TBC1D5: variants seen among roughly 807,000 people sequenced by gnomAD.
The protein encoded by TBC1D5 is TBC1 domain family member 5, also known as TBC1 domain family, member 5.
In TBC1D5, 75 loss-of-function variants were observed where a neutral mutation model predicts 100.3. The ratio of observed to expected loss-of-function variants is 0.75; its 90% CI spans 0.62 to 0.91. The LOEUF (loss-of-function observed/expected upper bound fraction) is 0.91, where lower values mean the gene tolerates loss of function less well. Among genes scored for constraint, TBC1D5 ranks in the 40% least tolerant of loss-of-function variants. The probability of loss-of-function intolerance (pLI) is 0.00; values close to 1 mark genes in which losing one functional copy is unlikely to be tolerated. For missense variants in TBC1D5, 910 were observed against 942.4 expected, an observed-to-expected ratio of 0.97 and a Z score of 0.45; for synonymous variants, 323 against 325.6, an observed-to-expected ratio of 0.99 and a Z score of 0.09.
intron 2 of TBC1D5, among the ~76,000 whole-genome samples, chr3:17,612,815 C>CG (rs1469817120): frequency 2.5e-4 from 36 of 143,800 alleles, no homozygotes; most frequent in African/African-American, 9.2e-4. Flanking sequence ...AAAATGAACA[C>CG]GAAAAAAAAA....
chr3:17,252,822 T>C (rs2077288842), intron 16 of TBC1D5, among the ~76,000 whole-genome samples: 1 of 152,204 alleles, frequency 6.6e-6, no homozygotes, highest in Admixed American at 6.5e-5. Flanking sequence ...CATCTATCTT[T>C]TTCACTGATG....
exon 22 of TBC1D5, chr3:17,159,854 G>C (rs2065887936): frequency 6.6e-6 from 1 of 152,200 alleles, no homozygotes; most frequent in Admixed American, 6.5e-5. Flanking sequence ...GCATCCTCTT[G>C]GCATGTGGAA....
At chr3:17,409,151 T>C (rs905754285) in intron 4 of TBC1D5, among the ~76,000 whole-genome samples, 6 of 152,322 alleles carry the variant, frequency 3.9e-5, no homozygotes, top group African/African-American at 1.4e-4. Flanking sequence ...GTGGCAACCT[T>C]GCATTGAGCA....
chr3:17,198,412 A>T (rs993892259), intron 18 of TBC1D5, among the ~76,000 whole-genome samples: 12 of 152,378 alleles, frequency 7.9e-5, no homozygotes, highest in African/African-American at 2.9e-4. Context: ...TGCCATATTT[A>T]GAAATAAAAA....
At position 17,475,964 on chromosome 3, in the gene TBC1D5, T is replaced by C. The variant is rs187509470; in HGVS notation, c.97+32510A>G. On this transcript the variant is annotated intron_variant, in intron 3 of 21. Transcript: ENST00000253692. ...AATCTAGAGGTTATCATATGTTATCTGACAGGGATTTTATTTAAATTCTTC... is the reference window on the plus strand; with the variant it reads ...AATCTAGAGGTTATCATATGTTATCCGACAGGGATTTTATTTAAATTCTTC... Among the ~76,000 whole-genome samples the C allele has an allele frequency of 3.0e-3, 463 of 152,238 alleles. 1 individual carries two copies. The highest frequency in any genetic ancestry group is 0.011 in the African/African-American group (451 of 41,586).
intron 15 of TBC1D5, among the ~76,000 whole-genome samples, chr3:17,289,413 G>A (rs532774269): frequency 1.1e-3 from 171 of 152,132 alleles, no homozygotes; most frequent in Middle Eastern, 0.01. Context: ...GAGATCCTGC[G>A]TCAATTCAAA....
At position 17,307,941 on chromosome 3, in the gene TBC1D5, T is replaced by C. The variant is rs752197281; in HGVS notation, c.1138+51A>G. On this transcript the variant is annotated intron_variant, in intron 14 of 21. Transcript: ENST00000253692. ...AGTCTATTTAAAAGGCAAAACATTT[T>C]TGAAAATCAGGAGTACCTAGTCAAA... 16 of 1,569,576 alleles carry C rather than the reference T, an allele frequency of 1.0e-5. No individual in the cohort carries two copies. The Admixed American group carries it at 3.1e-4, about 30-fold the overall frequency.
intron 17 of TBC1D5, among the ~76,000 whole-genome samples, chr3:17,226,431 T>A (rs527258954): frequency 6.6e-6 from 1 of 151,906 alleles, no homozygotes; most frequent in African/African-American, 2.4e-5. Flanking sequence ...CCCAATTCCC[T>A]CTTCAGGTCC....
intron 17 of TBC1D5, among the ~76,000 whole-genome samples, chr3:17,223,942 G>GA (rs572455475): frequency 6.6e-6 from 1 of 150,774 alleles, no homozygotes; most frequent in African/African-American, 2.4e-5. Context: ...AACAAACAAA[G>GA]AAAAAAAGAC....
chr3:17,556,352 T>C (rs2096520935), intron 2 of TBC1D5, among the ~76,000 whole-genome samples: 1 of 152,110 alleles, frequency 6.6e-6, no homozygotes, highest in Admixed American at 6.5e-5. Flanking sequence ...AAATAAGAAA[T>C]TTCTATTGGT....
chr3:17,680,795 A>G (rs1307351872), intron 1 of TBC1D5, among the ~76,000 whole-genome samples: 3 of 151,450 alleles, frequency 2.0e-5, no homozygotes, highest in Non-Finnish European at 2.9e-5. Flanking sequence ...GTAACAGCCT[A>G]AGAAATCCCT....
intron 1 of TBC1D5, among the ~76,000 whole-genome samples, chr3:17,669,747 C>T (rs2067709365): frequency 6.6e-6 from 1 of 152,178 alleles, no homozygotes; most frequent in Non-Finnish European, 1.5e-5. Context: ...AGGGGGCTGG[C>T]ACATATAACC....
intron 8 of TBC1D5, among the ~76,000 whole-genome samples, chr3:17,393,679 A>C (rs1360420610): frequency 6.6e-6 from 1 of 152,094 alleles, no homozygotes; most frequent in Non-Finnish European, 1.5e-5. Context: ...ACACATCTAC[A>C]ACCACCTGAT....
chr3:17,731,002 A>G (rs1385064630), intron 1 of TBC1D5, among the ~76,000 whole-genome samples: 1 of 152,118 alleles, frequency 6.6e-6, no homozygotes, highest in Non-Finnish European at 1.5e-5. Flanking sequence ...GCCAAACAGG[A>G]AGAGCACAAC....
intron 1 of TBC1D5, among the ~76,000 whole-genome samples, chr3:17,678,595 T>C (rs1225330549): frequency 1.4e-5 from 2 of 144,184 alleles, no homozygotes; most frequent in African/African-American, 5.3e-5. Context: ...AGGCAATGAC[T>C]CAACCTCACA....
intron 2 of TBC1D5, among the ~76,000 whole-genome samples, chr3:17,610,053 G>A (rs993229585): frequency 2.0e-5 from 3 of 152,054 alleles, no homozygotes; most frequent in East Asian, 3.8e-4. Flanking sequence ...CATTTTTATC[G>A]AGTAACATTA....
chr3:17,664,261 G>A (rs556379275), intron 1 of TBC1D5, among the ~76,000 whole-genome samples: 2 of 150,782 alleles, frequency 1.3e-5, no homozygotes, highest in Admixed American at 6.6e-5. Flanking sequence ...TAATAGAGAC[G>A]GGGTTTCATC....
chr3:17,647,999 A>C (rs1049448120), intron 1 of TBC1D5, among the ~76,000 whole-genome samples: 1 of 152,196 alleles, frequency 6.6e-6, no homozygotes, highest in Non-Finnish European at 1.5e-5. Flanking sequence ...AATTCGTATG[A>C]AACTAAAAAA....
chr3:17,261,082 C>A (rs2078238636), intron 15 of TBC1D5, among the ~76,000 whole-genome samples: 1 of 152,166 alleles, frequency 6.6e-6, no homozygotes, highest in African/African-American at 2.4e-5. Flanking sequence ...CTATAAAAAT[C>A]AACATCTAGA....
Sources: allele counts gnomAD v4.1 joint callset (sites outside exome capture counted in the v4.1 genomes callset), GRCh38; gene constraint gnomAD v4.1.1; transcripts MANE v1.5; gene names NCBI Gene and HGNC (gene_info 2026-07-23, HGNC 2026-07-21).